Variants in EXOC6B observed in about 807,000 individuals in gnomAD.
The protein encoded by EXOC6B is exocyst complex component 6B.
In EXOC6B, 54 loss-of-function variants were observed where a neutral mutation model predicts 113.5. The ratio of observed to expected loss-of-function variants is 0.48; its 90% CI spans 0.38 to 0.60. The LOEUF is 0.60. Among genes scored for constraint, EXOC6B ranks in the 20% least tolerant of loss-of-function variants. The probability of loss-of-function intolerance (pLI) is 0.00; values close to 1 mark genes in which losing one functional copy is unlikely to be tolerated. For missense variants in EXOC6B, 797 were observed against 977.5 expected (o/e 0.82, Z 2.46); for synonymous variants, 357 against 339.0 (o/e 1.05, Z -0.58).
At chr2:72,561,646 A>C (rs1170393283) in intron 7 of EXOC6B, among the ~76,000 whole-genome samples, 1 of 152,144 alleles carries the variant, frequency 6.6e-6, no homozygotes, top group Admixed American at 6.5e-5. Context: ...AAATAAGCTA[A>C]CACAGCCACA....
chr2:72,595,295 C>CTATA (rs1275719241), intron 6 of EXOC6B, among the ~76,000 whole-genome samples: 1 of 142,560 alleles, frequency 7.0e-6, no homozygotes, highest in African/African-American at 2.6e-5. Flanking sequence ...ATATATATAT[C>CTATA]TATATATATA....
intron 21 of EXOC6B, among the ~76,000 whole-genome samples, chr2:72,180,698 C>A: frequency 6.6e-6 from 1 of 152,150 alleles, no homozygotes; most frequent in East Asian, 1.9e-4. Context: ...CAATCCTGCA[C>A]CATTTTCTCC....
chr2:72,617,502 G>A (rs1255428982), intron 6 of EXOC6B, among the ~76,000 whole-genome samples: 1 of 148,374 alleles, frequency 6.7e-6, no homozygotes, highest in Admixed American at 6.8e-5. Context: ...GGTCCCCAAA[G>A]CTCAAATCTT....
At chr2:72,302,514 G>A (rs775195891) in intron 20 of EXOC6B, among the ~76,000 whole-genome samples, 3 of 152,162 alleles carry the variant, frequency 2.0e-5, no homozygotes, top group Non-Finnish European at 2.9e-5. Flanking sequence ...GTGCTCCTGT[G>A]TTGGGTGCAT....
chr2:72,443,805 C>T (rs1696385405), intron 18 of EXOC6B, among the ~76,000 whole-genome samples: 1 of 152,162 alleles, frequency 6.6e-6, no homozygotes, highest in African/African-American at 2.4e-5. Flanking sequence ...TCAGTTACCT[C>T]CTACTGGGTC....
At chr2:72,295,840 A>G (rs1686096967) in intron 20 of EXOC6B, among the ~76,000 whole-genome samples, 3 of 152,188 alleles carry the variant, frequency 2.0e-5, no homozygotes, top group Non-Finnish European at 4.4e-5. Context: ...AGATTATTGT[A>G]CATAAAATTA....
At chr2:72,447,145 C>T (rs1696634035) in intron 18 of EXOC6B, among the ~76,000 whole-genome samples, 1 of 152,060 alleles carries the variant, frequency 6.6e-6, no homozygotes, top group South Asian at 2.1e-4. Flanking sequence ...AAACATCCAC[C>T]TATGTTGTAT....
At chr2:72,499,533 A>AT (rs34288011) in intron 12 of EXOC6B, among the ~76,000 whole-genome samples, 29,604 of 138,312 alleles carry the variant, frequency 0.21, 4,755 homozygotes, top group African/African-American at 0.45. Context: ...ACCCAGTCAG[A>AT]TTTTTTTTTT....
chr2:72,229,815 C>T (rs776320384), intron 20 of EXOC6B, among the ~76,000 whole-genome samples: 18 of 152,156 alleles, frequency 1.2e-4, no homozygotes, highest in South Asian at 2.1e-4. Context: ...ATGGATACCA[C>T]GTGCTACCTA....
At chr2:72,661,910 C>A (rs1675042863) in intron 6 of EXOC6B, among the ~76,000 whole-genome samples, 1 of 151,902 alleles carries the variant, frequency 6.6e-6, no homozygotes, top group Non-Finnish European at 1.5e-5. Flanking sequence ...AAAATAGATT[C>A]ACACTAATAT....
intron 6 of EXOC6B, among the ~76,000 whole-genome samples, chr2:72,583,910 T>A (rs1452338589): frequency 6.6e-6 from 1 of 151,962 alleles, no homozygotes; most frequent in Non-Finnish European, 1.5e-5. Flanking sequence ...TTAATAGAGA[T>A]GGGGTTTCAC....
At chr2:72,622,259 C>T (rs988078157) in intron 6 of EXOC6B, among the ~76,000 whole-genome samples, 1 of 149,882 alleles carries the variant, frequency 6.7e-6, no homozygotes, top group East Asian at 1.9e-4. Flanking sequence ...CTCAGCCCCA[C>T]CCCAGATCAA....
intron 20 of EXOC6B, among the ~76,000 whole-genome samples, chr2:72,294,322 C>T (rs1573198147): frequency 1.3e-5 from 2 of 151,710 alleles, no homozygotes; most frequent in Non-Finnish European, 2.9e-5. Context: ...TTCTACTCTC[C>T]TGTCCTCAAA....
intron 6 of EXOC6B, among the ~76,000 whole-genome samples, chr2:72,698,301 A>T (rs974133373): frequency 6.6e-6 from 1 of 152,240 alleles, no homozygotes; most frequent in Non-Finnish European, 1.5e-5. Context: ...TAATTAAGGA[A>T]CAAGAGTGCT....
intron 2 of EXOC6B, 76 bp from the exon 3 acceptor site, chr2:72,733,194 T>C (rs1680748838): frequency 5.4e-6 from 6 of 1,100,964 alleles, no homozygotes; most frequent in African/African-American, 4.7e-5. Flanking sequence ...AAATTTAATA[T>C]GAAAAGATTA....
chr2:72,474,467 GTTT>G (rs1433172603), intron 17 of EXOC6B, among the ~76,000 whole-genome samples: 1 of 151,372 alleles, frequency 6.6e-6, no homozygotes, highest in Non-Finnish European at 1.5e-5. Flanking sequence ...TTTTTTAGTT[GTTT>G]TTTCTTTTAT....
intron 1 of EXOC6B, among the ~76,000 whole-genome samples, chr2:72,821,223 G>C (rs1157015207): frequency 1.3e-5 from 2 of 151,988 alleles, no homozygotes; most frequent in African/African-American, 4.8e-5. Context: ...TGACCAATAA[G>C]CACATGAAAA....
At chr2:72,652,366 T>C (rs904567368) in intron 6 of EXOC6B, among the ~76,000 whole-genome samples, 4 of 152,156 alleles carry the variant, frequency 2.6e-5, no homozygotes, top group African/African-American at 9.7e-5. Flanking sequence ...GTCAAGATAA[T>C]TGCTTCAGTA....
chr2:72,562,937 C>T (rs143128749), intron 7 of EXOC6B, among the ~76,000 whole-genome samples: 1 of 152,214 alleles, frequency 6.6e-6, no homozygotes, highest in African/African-American at 2.4e-5. Context: ...TAAGAATTCA[C>T]GTGAAATAGT....
Sources: gnomAD v4.1 joint callset for allele counts (sites outside exome capture counted in the v4.1 genomes callset) on GRCh38, gnomAD v4.1.1 for gene constraint, MANE v1.5 for transcripts, NCBI Gene and HGNC (gene_info 2026-07-23, HGNC 2026-07-21) for gene names.